RASA3: variants seen among roughly 807,000 people sequenced by gnomAD.
The protein encoded by RASA3 is ras GTPase-activating protein 3.
Under a neutral mutation model 110.0 loss-of-function variants are expected in RASA3, and 73 were observed. The observed-to-expected ratio is 0.66, with a 90% CI of 0.55 to 0.81. The LOEUF (loss-of-function observed/expected upper bound fraction) is 0.81, where lower values mean the gene tolerates loss of function less well. Ranked by LOEUF, RASA3 falls within the 30% of genes least tolerant of loss-of-function variation. The pLI is 0.00. For synonymous variants in RASA3, 500 were observed against 451.4 expected (o/e 1.11, Z -1.37); for missense variants, 976 against 1,113.2 (o/e 0.88, Z 1.75).
rs148821470 is a variant in RASA3 at position 114,116,813 on chromosome 13, TGAA to T, written c.55+15619_55+15621del. On this transcript the variant is annotated intron_variant, in intron 1 of 23. Coordinates refer to ENST00000334062, the MANE Select transcript of RASA3 (RefSeq NM_007368.4). ...CACGTGTGTGAGGGGTGCATGTGTG[TGAA>T]GAGAGCACGTGTGTGAGGGGTGCAT... Among the ~76,000 whole-genome samples, 1,307 of 130,776 alleles carry T rather than the reference TGAA, an allele frequency of 1.0e-2. 18 individuals carry two copies. The highest frequency in any genetic ancestry group is 0.047 in the Middle Eastern group (9 of 192). 85.8% of individuals were successfully genotyped at this position (130,776 alleles called of 152,430 possible).
chr13:114,057,403 G>A lies in RASA3; in HGVS notation c.174-5248C>T. 2 of 985,364 alleles carry A rather than the reference G, an allele frequency of 2.0e-6. No individual in the cohort carries two copies. Among genetic ancestry groups the A allele is most frequent in the Non-Finnish European group, 2.4e-6 (2 of 829,928 alleles). 61.0% of individuals were successfully genotyped at this position (985,364 alleles called of 1,614,324 possible). On this transcript the variant is annotated intron_variant, in intron 2 of 23. Transcript: ENST00000334062. This position sits in a 1 kb window ranked among gnomAD's most constrained non-coding sequence, Gnocchi z 5.0. ...GCAGGGCAGTGGGGTCCGGAGAGGC[G>A]GCCGTGCTACAGGCCTTGCACTCAT...
intron 2 of RASA3, among the ~76,000 whole-genome samples, chr13:114,058,537 G>A (rs570696989): frequency 7.9e-5 from 12 of 152,242 alleles, no homozygotes; most frequent in Non-Finnish European, 1.2e-4. Flanking sequence ...AAAACACGGT[G>A]TCCACTTGAG....
In RASA3 at chr13:114,037,128, C is replaced by T. The variant is rs564476448; in HGVS notation, c.372+3872G>A. ...GGGCTTGGCCACGGGTACGCAGCCTCGGGCGTTAATTATGAGATTCCACCA... is the reference window on the plus strand; with the variant it reads ...GGGCTTGGCCACGGGTACGCAGCCTTGGGCGTTAATTATGAGATTCCACCA... On this transcript the variant is annotated intron_variant, in intron 4 of 23. Coordinates refer to ENST00000334062, the MANE Select transcript of RASA3 (RefSeq NM_007368.4). Among the ~76,000 whole-genome samples the T allele has an allele frequency of 5.3e-5, 8 of 152,256 alleles. 1 individual carries two copies. The South Asian group carries it at 1.5e-3, about 28-fold the overall frequency.
At chr13:114,073,581 G>A (rs1290906047) in intron 2 of RASA3, 139 bp downstream of exon 2, 1 of 743,182 alleles carries the variant, frequency 1.3e-6, no homozygotes, top group Admixed American at 2.0e-5. Context: ...TTCCCTACAT[G>A]CGGGAAAACG....
intron 2 of RASA3, among the ~76,000 whole-genome samples, chr13:114,061,074 C>T (rs1228735116): frequency 2.0e-5 from 3 of 152,170 alleles, no homozygotes; most frequent in East Asian, 3.9e-4. Flanking sequence ...TTCTTCTTCC[C>T]GAGACCTCGC....
chr13:114,117,742 C>T (rs574779166), intron 1 of RASA3, among the ~76,000 whole-genome samples: 2 of 111,334 alleles, frequency 1.8e-5, no homozygotes, highest in Non-Finnish European at 3.5e-5. Context: ...GAGGAGAGCA[C>T]GTGTGTGAGG....
chr13:114,128,919 G>A (rs554432162), intron 1 of RASA3, among the ~76,000 whole-genome samples: 1 of 152,098 alleles, frequency 6.6e-6, no homozygotes, highest in African/African-American at 2.4e-5. Context: ...CCTGGACCGC[G>A]GGGCTGGCTT....
intron 1 of RASA3, among the ~76,000 whole-genome samples, chr13:114,106,243 G>A (rs537520112): frequency 2.0e-5 from 3 of 152,138 alleles, no homozygotes; most frequent in South Asian, 2.1e-4. Context: ...TGCGCGCACC[G>A]TATCTCCACG....
intron 1 of RASA3, among the ~76,000 whole-genome samples, chr13:114,098,348 G>C (rs1308182872): frequency 6.6e-6 from 1 of 152,176 alleles, no homozygotes; most frequent in Non-Finnish European, 1.5e-5. Context: ...GTCAGCAGGC[G>C]CTAAGGATCC....
At chr13:113,984,773 A>G (rs2053014484) in intron 22 of RASA3, among the ~76,000 whole-genome samples, 2 of 38,830 alleles carry the variant, frequency 5.2e-5, no homozygotes, top group Admixed American at 2.9e-4. Context: ...CCATCCATCC[A>G]TCCACCCATC....
At chr13:114,087,884 T>A (rs1372051113) in intron 1 of RASA3, among the ~76,000 whole-genome samples, 1 of 152,218 alleles carries the variant, frequency 6.6e-6, no homozygotes. Flanking sequence ...AATACCAGAA[T>A]TTTGAGAGGC....
intron 2 of RASA3, among the ~76,000 whole-genome samples, chr13:114,058,216 C>T (rs903051538): frequency 1.3e-5 from 2 of 152,308 alleles, no homozygotes; most frequent in Non-Finnish European, 2.9e-5. Flanking sequence ...CCAAGACCCC[C>T]GAGATGCCAT....
Position 114,010,932 on chromosome 13 carries a change from G to A in RASA3, c.1590+239C>T, listed in dbSNP as rs190111540. Among the ~76,000 whole-genome samples the A allele has an allele frequency of 1.2e-4, 18 of 149,778 alleles. No individual in the cohort carries two copies. The East Asian group carries it at 2.3e-3, about 20-fold the overall frequency. ...ACAGGTCAGATGCTGCTCCTGCCAC[G>A]GGGCCGGCGACGAGCCACAGGCTCC... is the stretch of plus-strand genomic sequence containing the variant. On this transcript the variant is annotated intron_variant, in intron 16 of 23. Coordinates refer to ENST00000334062, the MANE Select transcript of RASA3 (RefSeq NM_007368.4).
rs190347154 is a variant in RASA3, at chr13:114,077,640, C to T, written c.56-3803G>A. 2.3e-3 allele frequency among the ~76,000 whole-genome samples: 336 copies of T among 146,242 alleles called. 3 individuals carry two copies. Among genetic ancestry groups the T allele is most frequent in the Non-Finnish European group, 2.1e-3 (143 of 66,640 alleles). On this transcript the variant is annotated intron_variant, in intron 1 of 23. Transcript: ENST00000334062. ...CCCAGTCCCCCCACACTGGCACCAA[C>T]GCACCGGATTCATCCCTCCCTCCCT... is the stretch of plus-strand genomic sequence containing the variant.
In RASA3 at chr13:114,016,242, G is replaced by T. The variant is rs771309465; in HGVS notation, c.1236C>A (p.Ile412=). ...EICQSHKPCE[I]DPVKLKDGEN... Reference sequence around the variant, plus strand: ...CTCCGTCTTTCAACTTCACAGGGTCGATTTCACAGGGTTTGTGGCTCTGGC... The same window carrying T: ...CTCCGTCTTTCAACTTCACAGGGTCTATTTCACAGGGTTTGTGGCTCTGGC... Residue 412 remains isoleucine, a synonymous_variant, in exon 13 of 24, where the codon ATC becomes ATA. Coordinates refer to ENST00000334062, the MANE Select transcript of RASA3 (RefSeq NM_007368.4). 1 of 1,602,072 alleles carries T rather than the reference G, an allele frequency of 6.2e-7. No homozygotes were observed. Among genetic ancestry groups the T allele is most frequent in the Non-Finnish European group, 8.6e-7 (1 of 1,169,224 alleles).
chr13:114,029,950 G>A (rs570914535), intron 4 of RASA3, 63 bp from the exon 5 acceptor site: 22 of 1,453,446 alleles, frequency 1.5e-5, no homozygotes, highest in African/African-American at 1.1e-4. Context: ...CACTAGGGCC[G>A]CGCGCCCAGG....
rs144556334 is a variant in RASA3, at chr13:114,099,331, C to T, written c.56-25494G>A. Among the ~76,000 whole-genome samples, 732 of 152,038 alleles carry T rather than the reference C, an allele frequency of 4.8e-3. 1 individual carries two copies. The highest frequency in any genetic ancestry group is 0.014 in the East Asian group (70 of 5,160). ...CGAAGCTCCTCCCTGCATGGGGACA[C>T]GCGGGGCTGCAGCCACTCCCAGGCC... On this transcript the variant is annotated intron_variant, in intron 1 of 23. Coordinates refer to ENST00000334062, the MANE Select transcript of RASA3 (RefSeq NM_007368.4).
At chr13:114,060,918 C>T in intron 2 of RASA3, among the ~76,000 whole-genome samples, 1 of 151,888 alleles carries the variant, frequency 6.6e-6, no homozygotes, top group East Asian at 1.9e-4. Flanking sequence ...CCAAAGCCGG[C>T]AGACGGAGCC....
chr13:114,004,429 T>C (rs1169659651), intron 18 of RASA3, among the ~76,000 whole-genome samples: 2 of 152,064 alleles, frequency 1.3e-5, no homozygotes, highest in East Asian at 3.8e-4. Context: ...GATAGACGTT[T>C]TTCAGAAGAC....
Sources: allele counts gnomAD v4.1 joint callset (sites outside exome capture counted in the v4.1 genomes callset), GRCh38; gene constraint gnomAD v4.1.1; non-coding constraint Gnocchi (gnomAD v3.1); transcripts MANE v1.5; gene names NCBI Gene and HGNC (gene_info 2026-07-23, HGNC 2026-07-21).